The following STK3 variants were observed in gnomAD, a reference collection of about 807,000 sequenced individuals.
STK3 encodes serine/threonine kinase 3.
STK3 carries 41 observed loss-of-function variants against 58.0 expected under a neutral mutation model. That is an observed-to-expected ratio of 0.71 (90% CI 0.55 to 0.92). STK3 has a LOEUF of 0.92. Ranked by LOEUF, STK3 falls within the 40% of genes least tolerant of loss-of-function variation. The pLI, the probability that STK3 is intolerant of heterozygous loss-of-function variation, is 0.00. For missense variants in STK3, 479 were observed against 602.7 expected (o/e 0.79, Z 2.15); for synonymous variants, 170 against 191.0 (o/e 0.89, Z 0.91).
At chr8:98,562,900 C>G (rs938877182) in intron 8 of STK3, among the ~76,000 whole-genome samples, 1 of 150,486 alleles carries the variant, frequency 6.6e-6, no homozygotes, top group East Asian at 1.9e-4. Context: ...AAGAGAGAGA[C>G]CCAGTCTCAA....
intron 1 of STK3, among the ~76,000 whole-genome samples, chr8:98,777,741 C>G (rs1049852103): frequency 6.6e-6 from 1 of 152,038 alleles, no homozygotes; most frequent in East Asian, 1.9e-4. Context: ...AGACGATTCT[C>G]GAGGAAACAT....
chr8:98,350,757 T>C, the STK3 span, among the ~76,000 whole-genome samples: 1 of 152,322 alleles, frequency 6.6e-6, no homozygotes, highest in African/African-American at 2.4e-5. Flanking sequence ...ACTTAGTCAC[T>C]ACCATGAGAA....
At chr8:98,490,246 C>G (rs1214588651) in intron 10 of STK3, among the ~76,000 whole-genome samples, 3 of 152,154 alleles carry the variant, frequency 2.0e-5, no homozygotes, top group Non-Finnish European at 4.4e-5. Flanking sequence ...AATTGACCAT[C>G]ATCTTACTGG....
At chr8:98,467,114 T>C (rs942269506) in intron 10 of STK3, among the ~76,000 whole-genome samples, 1 of 152,138 alleles carries the variant, frequency 6.6e-6, no homozygotes, top group Non-Finnish European at 1.5e-5. Context: ...TTCAGCTAGC[T>C]CAGTAAGCAC....
At chr8:98,477,242 C>T (rs1274718442) in intron 10 of STK3, among the ~76,000 whole-genome samples, 4 of 152,148 alleles carry the variant, frequency 2.6e-5, no homozygotes, top group Non-Finnish European at 5.9e-5. Context: ...TCAATTCTAA[C>T]TGCATCTGTG....
chr8:98,422,657 C>T (rs1171507235), intron 3 of STK3, among the ~76,000 whole-genome samples: 2 of 152,152 alleles, frequency 1.3e-5, no homozygotes, highest in East Asian at 3.9e-4. Context: ...GACAAAGGCA[C>T]TCAGCCCTCA....
In STK3 at chr8:98,774,796, T is replaced by C. The variant is rs1378759384; in HGVS notation, c.50A>G (p.Asp17Gly). Residue 17 changes from aspartate to glycine, a missense_variant, in exon 2 of 11, where the codon GAC becomes GGC. Physicochemically the swap from Asp to Gly is moderately conservative, Grantham distance 94. This residue lies in a region of STK3 where 44 missense variants were observed against 37.0 expected (regional missense o/e 1.19). Coordinates refer to ENST00000419617, the MANE Select transcript of STK3 (RefSeq NM_006281.4). ...PKSKLKKLSE[D>G]SLTKQPEEVF... ...TTCTTCAGGCTGCTTAGTCAAACTGTCTTCACTCAGCTTTTTTAGTTTACT... is the reference window on the plus strand; with the variant it reads ...TTCTTCAGGCTGCTTAGTCAAACTGCCTTCACTCAGCTTTTTTAGTTTACT... 1 of 1,574,144 alleles carries C rather than the reference T, an allele frequency of 6.4e-7. No homozygotes were observed. Among genetic ancestry groups the C allele is most frequent in the Admixed American group, 1.8e-5 (1 of 54,598 alleles).
At chr8:98,377,356 T>C (rs1403358893) in intron 2 of STK3, among the ~76,000 whole-genome samples, 2 of 152,216 alleles carry the variant, frequency 1.3e-5, no homozygotes, top group African/African-American at 4.8e-5. Flanking sequence ...TAATTTATTT[T>C]ATGCATGGAA....
intron 6 of STK3, among the ~76,000 whole-genome samples, chr8:98,644,360 T>C (rs1444652673): frequency 2.0e-5 from 3 of 152,190 alleles, no homozygotes; most frequent in Non-Finnish European, 2.9e-5. Context: ...CCATAATCTT[T>C]TGAGAGAGCA....
chr8:98,838,748 C>T (rs1364046597), intron 3 of STK3, among the ~76,000 whole-genome samples: 1 of 152,108 alleles, frequency 6.6e-6, no homozygotes, highest in African/African-American at 2.4e-5. Context: ...ATCCTCTTTA[C>T]CGGTCTTTTT....
chr8:98,716,284 TA>T lies in STK3; in HGVS notation c.352-8974del, dbSNP rs949224796. Reference sequence around the variant, plus strand: ...ATGTACCCTAAAACTTAAAGTATAATAAAAAAAGAACTAATAAATAAATTCA... The same window carrying T: ...ATGTACCCTAAAACTTAAAGTATAATAAAAAAGAACTAATAAATAAATTCA... On this transcript the variant is annotated intron_variant, in intron 4 of 10. Coordinates refer to ENST00000419617, the MANE Select transcript of STK3 (RefSeq NM_006281.4). 3.0e-4 allele frequency among the ~76,000 whole-genome samples: 45 copies of T among 151,638 alleles called. 1 individual carries two copies. In the East Asian group the frequency reaches 4.8e-3, roughly 16 times the overall value.
Position 98,616,463 on chromosome 8 carries a change from A to G in STK3, c.685-20294T>C, listed in dbSNP as rs1188956315. ...CAGGATCAAATTCACACATAACAAT[A>G]TTAACTTTAAATGTAAATGGACTAA... On this transcript the variant is annotated intron_variant, in intron 6 of 10. Transcript: ENST00000419617. Among the ~76,000 whole-genome samples, 91 of 148,178 alleles carry G rather than the reference A, an allele frequency of 6.1e-4. No homozygotes were observed. In the South Asian group the frequency reaches 8.2e-3, roughly 13 times the overall value.
intron 8 of STK3, among the ~76,000 whole-genome samples, chr8:98,566,796 A>C (rs903232607): frequency 2.6e-5 from 4 of 152,210 alleles, no homozygotes; most frequent in Non-Finnish European, 5.9e-5. Context: ...CATGCTGAAA[A>C]GACCTTTCAT....
At chr8:98,908,407 G>T (rs1437532686) in intron 1 of STK3, among the ~76,000 whole-genome samples, 1 of 152,148 alleles carries the variant, frequency 6.6e-6, no homozygotes. Context: ...TTTCTTTTTG[G>T]GTGGGCATGA....
chr8:98,914,090 G>T (rs1242213465), intron 1 of STK3, among the ~76,000 whole-genome samples: 3 of 151,560 alleles, frequency 2.0e-5, no homozygotes, highest in African/African-American at 7.3e-5. Context: ...TTATCACTAT[G>T]CAATATGTCC....
chr8:98,905,272 A>C, intron 1 of STK3: 2 of 833,420 alleles, frequency 2.4e-6, no homozygotes, highest in Admixed American at 3.4e-5. Flanking sequence ...TGTGTTGTCA[A>C]GGCCCCTGAC....
intron 1 of STK3, among the ~76,000 whole-genome samples, chr8:98,897,520 G>A (rs557444769): frequency 1.3e-5 from 2 of 152,216 alleles, no homozygotes; most frequent in South Asian, 4.1e-4. Context: ...GCGTGAACCC[G>A]GGAGGCGGAG....
chr8:98,837,353 T>C (rs1486511700), intron 3 of STK3, among the ~76,000 whole-genome samples: 2 of 137,852 alleles, frequency 1.5e-5, no homozygotes, highest in Non-Finnish European at 1.5e-5. Flanking sequence ...GATAACAGGC[T>C]GGAGCTCAGC....
intron 7 of STK3, among the ~76,000 whole-genome samples, chr8:98,589,575 G>T (rs1451720455): frequency 2.0e-5 from 3 of 152,248 alleles, no homozygotes; most frequent in Admixed American, 1.3e-4. Flanking sequence ...TGCCCCCAGA[G>T]GTGGAGCCTA....
Sources: allele counts gnomAD v4.1 joint callset (sites outside exome capture counted in the v4.1 genomes callset), GRCh38; gene constraint gnomAD v4.1.1; regional missense constraint gnomAD v4.1.1; transcripts MANE v1.5; gene names NCBI Gene and HGNC (gene_info 2026-07-23, HGNC 2026-07-21).